PLS1: variants seen among roughly 807,000 people sequenced by gnomAD.
The protein encoded by PLS1 is plastin 1, also known as plastin-1.
Under a neutral mutation model 73.7 loss-of-function variants are expected in PLS1, and 32 were observed. The ratio of observed to expected loss-of-function variants is 0.43; its 90% CI spans 0.33 to 0.58. The LOEUF is 0.58. Ranked by LOEUF, PLS1 falls within the 20% of genes least tolerant of loss-of-function variation. PLS1 has a pLI of 0.04. For missense variants in PLS1, 633 were observed against 740.5 expected (o/e 0.85, Z 1.68); for synonymous variants, 217 against 261.3 (o/e 0.83, Z 1.63).
chr3:142,711,346 G>A (rs943999376), intron 14 of PLS1, among the ~76,000 whole-genome samples, 155 bp from the exon 15 acceptor site: 4 of 152,130 alleles, frequency 2.6e-5, no homozygotes, highest in Non-Finnish European at 5.9e-5. Flanking sequence ...ATTTTAAAGG[G>A]TTTATTTATG....
chr3:142,686,476 T>A (rs1356678621), intron 9 of PLS1, 100 bp downstream of exon 9: 5 of 747,976 alleles, frequency 6.7e-6, no homozygotes, highest in Non-Finnish European at 1.2e-5. Flanking sequence ...TGGCATTCAG[T>A]ACATTTGCAT....
In PLS1 at chr3:142,613,056, G is replaced by A. The variant is rs570552078; in HGVS notation, c.-37+16547G>A. ...GCTGGGATTACAGGCGTGAGCCACC[G>A]TGCCCGGCCAATTTTCAGTCTGTTT... is the stretch of plus-strand genomic sequence containing the variant. On this transcript the variant is annotated intron_variant, in intron 1 of 15. Coordinates refer to ENST00000457734, the MANE Select transcript of PLS1 (RefSeq NM_001145319.2). 1.9e-3 allele frequency among the ~76,000 whole-genome samples: 284 copies of A among 152,230 alleles called. 1 individual carries two copies. Among genetic ancestry groups the A allele is most frequent in the African/African-American group, 6.2e-3 (259 of 41,536 alleles).
At position 142,688,258 on chromosome 3, in the gene PLS1, A is replaced by G. The variant is rs182642450; in HGVS notation, c.982-1360A>G. Among the ~76,000 whole-genome samples, 255 of 152,158 alleles carry G rather than the reference A, an allele frequency of 1.7e-3. 1 individual carries two copies. Among genetic ancestry groups the G allele is most frequent in the Non-Finnish European group, 1.5e-3 (99 of 67,980 alleles). ...CCACCACGTCCAGCCACATATTGTC[A>G]TTTTTTGATGTCTACAATGGTAACT... On this transcript the variant is annotated intron_variant, in intron 9 of 15. Transcript: ENST00000457734.
At chr3:142,689,021 A>G (rs2038031074) in intron 9 of PLS1, among the ~76,000 whole-genome samples, 1 of 152,188 alleles carries the variant, frequency 6.6e-6, no homozygotes, top group Non-Finnish European at 1.5e-5. Context: ...CTATAGTGCA[A>G]CCAGTAGGAG....
At chr3:142,703,289 A>ATTT (rs56392615) in intron 12 of PLS1, among the ~76,000 whole-genome samples, 20 of 105,066 alleles carry the variant, frequency 1.9e-4, no homozygotes, top group Admixed American at 3.3e-4. Flanking sequence ...ATAGTCAAGA[A>ATTT]TTTTTTTTTT....
At chr3:142,657,124 C>A in intron 1 of PLS1, 1 of 152,370 alleles carries the variant, frequency 6.6e-6, no homozygotes, top group Non-Finnish European at 1.5e-5. Context: ...TCTCCATCAT[C>A]GGTCTTCAGT....
chr3:142,650,282 G>C (rs557523617), intron 1 of PLS1, among the ~76,000 whole-genome samples: 1 of 127,072 alleles, frequency 7.9e-6, no homozygotes, highest in South Asian at 2.7e-4. Flanking sequence ...GCAGTGGTGT[G>C]ATCTCACCTC....
At chr3:142,601,260 G>A (rs921677245) in intron 1 of PLS1, among the ~76,000 whole-genome samples, 6 of 151,652 alleles carry the variant, frequency 4.0e-5, no homozygotes, top group African/African-American at 1.5e-4. Context: ...TCATGATGAC[G>A]TTAGTGAAAA....
chr3:142,675,689 T>G (rs1264933623), intron 4 of PLS1, among the ~76,000 whole-genome samples: 1 of 151,928 alleles, frequency 6.6e-6, no homozygotes, highest in Non-Finnish European at 1.5e-5. Flanking sequence ...TCCCCGTTTT[T>G]TTTTTTGAAA....
chr3:142,666,909 G>A (rs1284076064), intron 2 of PLS1, among the ~76,000 whole-genome samples: 1 of 152,120 alleles, frequency 6.6e-6, no homozygotes, highest in African/African-American at 2.4e-5. Flanking sequence ...CATCTAATGT[G>A]CTTATTGGCC....
chr3:142,637,011 T>C (rs1053795379), intron 1 of PLS1, among the ~76,000 whole-genome samples: 1 of 152,188 alleles, frequency 6.6e-6, no homozygotes, highest in Middle Eastern at 3.2e-3. Context: ...TGATAGCATC[T>C]TAAAAAGTCA....
chr3:142,692,100 G>A lies in PLS1; in HGVS notation c.1177+2287G>A, dbSNP rs116049150. 5.5e-3 allele frequency among the ~76,000 whole-genome samples: 841 copies of A among 152,154 alleles called. 13 individuals are homozygous for A. The highest frequency in any genetic ancestry group is 0.019 in the African/African-American group (779 of 41,550). ...AGCAAGCTAAATGTGATCATGAATGGAAGAATACAGTATGTGTTTATTAAT... is the reference window on the plus strand; with the variant it reads ...AGCAAGCTAAATGTGATCATGAATGAAAGAATACAGTATGTGTTTATTAAT... On this transcript the variant is annotated intron_variant, in intron 10 of 15. Coordinates refer to ENST00000457734, the MANE Select transcript of PLS1 (RefSeq NM_001145319.2).
At chr3:142,672,777 A>G (rs2037633265) in intron 4 of PLS1, among the ~76,000 whole-genome samples, 1 of 152,220 alleles carries the variant, frequency 6.6e-6, no homozygotes, top group South Asian at 2.1e-4. Flanking sequence ...TTGAGATATA[A>G]TTGACATACC....
chr3:142,698,299 A>T (rs1055078254), intron 12 of PLS1: 4 of 381,306 alleles, frequency 1.0e-5, no homozygotes, highest in African/African-American at 8.4e-5. Flanking sequence ...CATAGTACTT[A>T]ATGTTCTTTG....
chr3:142,624,032 G>A (rs1344037107), intron 1 of PLS1, among the ~76,000 whole-genome samples: 1 of 152,048 alleles, frequency 6.6e-6, no homozygotes, highest in Non-Finnish European at 1.5e-5. Flanking sequence ...CCAGTCTATA[G>A]TTTAATTGTG....
chr3:142,613,036 G>C (rs148532712), intron 1 of PLS1, among the ~76,000 whole-genome samples: 3,831 of 152,248 alleles, frequency 0.025, 62 homozygotes, highest in South Asian at 0.06. Flanking sequence ...AAAGTGCTGG[G>C]ATTACAGGCG....
intron 1 of PLS1, among the ~76,000 whole-genome samples, chr3:142,607,552 G>C (rs1490571573): frequency 2.0e-5 from 3 of 152,186 alleles, no homozygotes; most frequent in Admixed American, 1.3e-4. Context: ...GGGATTACAG[G>C]CGTGAGCCAC....
intron 14 of PLS1, among the ~76,000 whole-genome samples, chr3:142,710,158 T>C (rs1024506011): frequency 2.0e-5 from 3 of 151,462 alleles, no homozygotes; most frequent in Admixed American, 6.6e-5. Context: ...AAGAATGTCA[T>C]TCAGGACTCT....
chr3:142,599,178 G>GAATAAATA (rs199708068), intron 1 of PLS1, among the ~76,000 whole-genome samples: 5,535 of 146,960 alleles, frequency 0.038, 204 homozygotes, highest in African/African-American at 0.1. Context: ...ATGAATGAAT[G>GAATAAATA]AATAAATAAA....
Sources: allele counts gnomAD v4.1 joint callset (sites outside exome capture counted in the v4.1 genomes callset), GRCh38; gene constraint gnomAD v4.1.1; transcripts MANE v1.5; gene names NCBI Gene and HGNC (gene_info 2026-07-23, HGNC 2026-07-21).